Variants in FTO observed in about 807,000 individuals in gnomAD.
FTO encodes FTO alpha-ketoglutarate dependent dioxygenase, also known as alpha-ketoglutarate-dependent dioxygenase FTO.
In FTO, 47 loss-of-function variants were observed where a neutral mutation model predicts 63.9. The observed-to-expected ratio is 0.74, with a 90% confidence interval of 0.58 to 0.94. The LOEUF is 0.94. Among genes scored for constraint, FTO ranks in the 40% least tolerant of loss-of-function variants. FTO has a pLI of 0.00. For synonymous variants in FTO, 207 were observed against 224.4 expected, an observed-to-expected ratio of 0.92 and a Z score of 0.69; for missense variants, 562 against 618.1, an observed-to-expected ratio of 0.91 and a Z score of 0.96.
chr16:54,014,911 A>C (rs1484583812), intron 8 of FTO, among the ~76,000 whole-genome samples: 3 of 136,636 alleles, frequency 2.2e-5, no homozygotes. Context: ...TCTGGAGTGC[A>C]GTAGTGCAAT....
rs1278376428 is a variant in FTO at position 54,084,512 on chromosome 16, A to G, written c.1365-27250A>G. On this transcript the variant is annotated intron_variant, in intron 8 of 8. Transcript: ENST00000471389. ...TTGCCCCACATGACCTTTTACAGAC[A>G]TGGGGACTTAAACAGTGTATTTTCT... Among the ~76,000 whole-genome samples, 7 of 152,304 alleles carry G rather than the reference A, an allele frequency of 4.6e-5. No individual in the cohort carries two copies. In the East Asian group the frequency reaches 1.4e-3, roughly 29 times the overall value.
chr16:53,704,115 A>G, upstream of FTO: 1 of 1,433,738 alleles, frequency 7.0e-7, no homozygotes, highest in Non-Finnish European at 9.6e-7. Flanking sequence ...AGAGAACTAC[A>G]TGCAGGAGGC....
At chr16:53,928,176 C>G (rs1472478694) in intron 7 of FTO, among the ~76,000 whole-genome samples, 1 of 152,074 alleles carries the variant, frequency 6.6e-6, no homozygotes, top group Non-Finnish European at 1.5e-5. Context: ...TCTTTCTGAT[C>G]TGGCCTGCAT....
At chr16:53,900,608 C>CTTTTTTTTTTT (rs752080961) in intron 7 of FTO, among the ~76,000 whole-genome samples, 1 of 67,194 alleles carries the variant, frequency 1.5e-5, no homozygotes, top group African/African-American at 6.5e-5. Flanking sequence ...TCATCTGCTC[C>CTTTTTTTTTTT]TTTTTTTTTT....
chr16:53,906,216 T>C (rs1192463533), intron 7 of FTO, among the ~76,000 whole-genome samples: 1 of 152,218 alleles, frequency 6.6e-6, no homozygotes, highest in Non-Finnish European at 1.5e-5. Flanking sequence ...CCTCCAGAGA[T>C]ACAGATTTAA....
At position 53,826,013 on chromosome 16, in the gene FTO, C is replaced by G. The variant is rs752536000; in HGVS notation, c.273C>G (p.Leu91=). The G allele has an allele frequency of 3.1e-6, 5 of 1,614,188 alleles. No homozygotes were observed. Among genetic ancestry groups the G allele is most frequent in the African/African-American group, 1.3e-5 (1 of 75,028 alleles). Reference sequence around the variant, plus strand: ...TTAGGATCCAAGGCAAAGATCTGCTCACTCCGGTATCTCGCATCCTCATTG... The same window carrying G: ...TTAGGATCCAAGGCAAAGATCTGCTGACTCCGGTATCTCGCATCCTCATTG... ...DLVRIQGKDL[L]TPVSRILIGN... is the part of the protein sequence containing the mutation. The change falls in exon 3 of 9, where the codon CTC becomes CTG. Residue 91 remains leucine, a synonymous_variant. Coordinates refer to ENST00000471389, the MANE Select transcript of FTO (RefSeq NM_001080432.3).
chr16:53,780,567 G>C (rs2151655285), intron 1 of FTO, among the ~76,000 whole-genome samples: 1 of 152,170 alleles, frequency 6.6e-6, no homozygotes, highest in Non-Finnish European at 1.5e-5. Context: ...ACGGGGTTTT[G>C]CCATATTGGT....
At chr16:53,834,652 C>T (rs1421287060) in intron 3 of FTO, among the ~76,000 whole-genome samples, 1 of 152,074 alleles carries the variant, frequency 6.6e-6, no homozygotes, top group African/African-American at 2.4e-5. Flanking sequence ...CAAAATTATT[C>T]ATTCATATCA....
At chr16:53,848,475 T>A (rs2151828018) in intron 4 of FTO, among the ~76,000 whole-genome samples, 1 of 152,306 alleles carries the variant, frequency 6.6e-6, no homozygotes, top group African/African-American at 2.4e-5. Flanking sequence ...ACTAAGGTTG[T>A]CACGGTTTTA....
chr16:53,946,880 T>C (rs1414344638), intron 8 of FTO, among the ~76,000 whole-genome samples: 1 of 152,176 alleles, frequency 6.6e-6, no homozygotes, highest in Non-Finnish European at 1.5e-5. Flanking sequence ...TGCACAGTAA[T>C]GATATTGTTA....
chr16:53,780,229 C>G (rs1415601557), intron 1 of FTO, among the ~76,000 whole-genome samples: 1 of 152,082 alleles, frequency 6.6e-6, no homozygotes, highest in Non-Finnish European at 1.5e-5. Flanking sequence ...CACTGGCTTG[C>G]TTTCTGTCCC....
chr16:53,907,643 C>A (rs1351100560), intron 7 of FTO, among the ~76,000 whole-genome samples: 2 of 152,118 alleles, frequency 1.3e-5, no homozygotes, highest in South Asian at 4.1e-4. Flanking sequence ...CCATCTTTTC[C>A]TCCTCACCTT....
chr16:54,019,225 T>C (rs1315394410), intron 8 of FTO, among the ~76,000 whole-genome samples: 1 of 152,080 alleles, frequency 6.6e-6, no homozygotes, highest in Non-Finnish European at 1.5e-5. Context: ...AAACCAAGAC[T>C]GGCAAGGGAA....
At chr16:54,085,170 C>A (rs2086232177) in intron 8 of FTO, among the ~76,000 whole-genome samples, 1 of 152,198 alleles carries the variant, frequency 6.6e-6, no homozygotes, top group Non-Finnish European at 1.5e-5. Flanking sequence ...TAAGTATGGG[C>A]AGAGTGTATA....
intron 8 of FTO, among the ~76,000 whole-genome samples, chr16:53,995,393 G>T (rs540514263): frequency 6.6e-6 from 1 of 152,216 alleles, no homozygotes; most frequent in South Asian, 2.1e-4. Context: ...AAAGTCATTC[G>T]TCAGCCCACA....
chr16:53,734,670 T>G (rs964693572), intron 1 of FTO, among the ~76,000 whole-genome samples: 89 of 152,254 alleles, frequency 5.8e-4, no homozygotes, highest in Non-Finnish European at 1.0e-4. Context: ...GAACAGTGGC[T>G]TAATGATACA....
chr16:53,751,349 T>C (rs1414035971), intron 1 of FTO, among the ~76,000 whole-genome samples: 1 of 152,062 alleles, frequency 6.6e-6, no homozygotes, highest in Non-Finnish European at 1.5e-5. Context: ...TCCCAGCTAT[T>C]TGGGAGGCTG....
At chr16:54,056,456 C>T (rs1488319702) in intron 8 of FTO, among the ~76,000 whole-genome samples, 1 of 152,214 alleles carries the variant, frequency 6.6e-6, no homozygotes, top group Non-Finnish European at 1.5e-5. Flanking sequence ...CTGATATTCA[C>T]AGCCTTGTGT....
chr16:54,053,096 T>A (rs1466853473), intron 8 of FTO, among the ~76,000 whole-genome samples: 1 of 152,240 alleles, frequency 6.6e-6, no homozygotes, highest in African/African-American at 2.4e-5. Flanking sequence ...TATATTTTGC[T>A]GTAGCAGATT....
Sources: allele counts gnomAD v4.1 joint callset (sites outside exome capture counted in the v4.1 genomes callset), GRCh38; gene constraint gnomAD v4.1.1; transcripts MANE v1.5; gene names NCBI Gene and HGNC (gene_info 2026-07-23, HGNC 2026-07-21).